ZNF804B: variants seen among roughly 807,000 people sequenced by gnomAD.
ZNF804B encodes zinc finger protein 804B.
Under a neutral mutation model 101.4 loss-of-function variants are expected in ZNF804B, and 80 were observed. The ratio of observed to expected loss-of-function variants is 0.79; its 90% CI spans 0.66 to 0.95. The LOEUF is 0.95. ZNF804B is among the 40% of genes least tolerant of loss of function. The probability of loss-of-function intolerance (pLI) is 0.00; values close to 1 mark genes in which losing one functional copy is unlikely to be tolerated. For synonymous variants in ZNF804B, 622 were observed against 558.8 expected, an observed-to-expected ratio of 1.11 and a Z score of -1.59; for missense variants, 1,673 against 1,561.9, an observed-to-expected ratio of 1.07 and a Z score of -1.20.
chr7:89,290,504 C>T (rs1344925520), intron 2 of ZNF804B, among the ~76,000 whole-genome samples: 1 of 152,100 alleles, frequency 6.6e-6, no homozygotes, highest in African/African-American at 2.4e-5. Context: ...AGGTGGGTCC[C>T]AGGCCTGGCA....
chr7:88,962,699 T>G (rs549413532), intron 1 of ZNF804B, among the ~76,000 whole-genome samples: 2 of 115,188 alleles, frequency 1.7e-5, no homozygotes, highest in South Asian at 6.0e-4. Context: ...ATAAATGTTG[T>G]TAAACTCACA....
intron 1 of ZNF804B, among the ~76,000 whole-genome samples, chr7:89,171,484 G>C (rs762042153): frequency 4.0e-5 from 6 of 150,990 alleles, no homozygotes; most frequent in Non-Finnish European, 8.8e-5. Context: ...ACCCAGGCTG[G>C]AGTGCAGTGG....
intron 2 of ZNF804B, among the ~76,000 whole-genome samples, chr7:89,319,716 G>A (rs1290738171): frequency 6.6e-6 from 1 of 152,182 alleles, no homozygotes; most frequent in Non-Finnish European, 1.5e-5. Context: ...CGCACACAGG[G>A]CCAGCTGAAG....
At chr7:89,193,619 A>G (rs1020703157) in intron 1 of ZNF804B, among the ~76,000 whole-genome samples, 68 of 151,950 alleles carry the variant, frequency 4.5e-4, no homozygotes, top group South Asian at 8.3e-4. Context: ...AGCTTCATCC[A>G]TGTTCCTACA....
At chr7:89,219,296 G>A (rs1487617652) in intron 2 of ZNF804B, among the ~76,000 whole-genome samples, 1 of 152,016 alleles carries the variant, frequency 6.6e-6, no homozygotes, top group Non-Finnish European at 1.5e-5. Context: ...GAAATATTAG[G>A]TCTTTGGGAA....
chr7:88,996,170 A>T (rs1055258449), intron 1 of ZNF804B, among the ~76,000 whole-genome samples: 2 of 152,078 alleles, frequency 1.3e-5, no homozygotes, highest in Non-Finnish European at 2.9e-5. Context: ...CTCTACTAAT[A>T]TAATATTAAA....
chr7:89,067,113 A>G (rs1335692340), intron 1 of ZNF804B, among the ~76,000 whole-genome samples: 1 of 152,276 alleles, frequency 6.6e-6, no homozygotes, highest in Non-Finnish European at 1.5e-5. Context: ...GAAGCTGATA[A>G]GCTACCGATC....
chr7:88,844,035 A>ACTC (rs1213775004), intron 1 of ZNF804B, among the ~76,000 whole-genome samples: 3 of 152,128 alleles, frequency 2.0e-5, no homozygotes, highest in Admixed American at 2.0e-4. Context: ...TCCTAACATG[A>ACTC]CTCCCATAAA....
At chr7:88,911,795 T>A (rs895369584) in intron 1 of ZNF804B, among the ~76,000 whole-genome samples, 24 of 151,834 alleles carry the variant, frequency 1.6e-4, no homozygotes, top group African/African-American at 5.6e-4. Context: ...TGTTTTGCCC[T>A]TTTCTAGTTG....
intron 1 of ZNF804B, among the ~76,000 whole-genome samples, chr7:88,855,283 A>G (rs1009332590): frequency 6.6e-6 from 1 of 151,326 alleles, no homozygotes; most frequent in African/African-American, 2.4e-5. Flanking sequence ...CTGACTTTTT[A>G]ATGATCGCCA....
At chr7:88,993,212 C>A (rs73383159) in intron 1 of ZNF804B, among the ~76,000 whole-genome samples, 1 of 151,612 alleles carries the variant, frequency 6.6e-6, no homozygotes, top group South Asian at 2.1e-4. Context: ...ATTGTTATAT[C>A]CATTAGGAAG....
chr7:89,269,257 C>A lies in ZNF804B; in HGVS notation c.249+50962C>A, dbSNP rs556802983. On this transcript the variant is annotated intron_variant, in intron 2 of 3. Coordinates refer to ENST00000333190, the MANE Select transcript of ZNF804B (RefSeq NM_181646.5). ...GGCTCTGGTGTGTGATGTTCCCCTTCCTGTGTCCATGTGTTCTCATTGTTC... is the reference window on the plus strand; with the variant it reads ...GGCTCTGGTGTGTGATGTTCCCCTTACTGTGTCCATGTGTTCTCATTGTTC... Among the ~76,000 whole-genome samples the A allele has an allele frequency of 7.6e-4, 115 of 152,218 alleles. 1 individual carries two copies. Among genetic ancestry groups the A allele is most frequent in the Admixed American group, 4.9e-3 (75 of 15,272 alleles).
At chr7:89,062,517 TA>T (rs1428159594) in intron 1 of ZNF804B, among the ~76,000 whole-genome samples, 1 of 152,168 alleles carries the variant, frequency 6.6e-6, no homozygotes, top group Non-Finnish European at 1.5e-5. Flanking sequence ...TATATATTGA[TA>T]TTTTTTTCTC....
rs1269522863 is a variant in ZNF804B at position 89,338,222 on chromosome 7, T to C, written c.*1190T>C. 1.3e-5 allele frequency among the ~76,000 whole-genome samples: 2 copies of C among 152,086 alleles called. No individual in the cohort carries two copies. The highest frequency in any genetic ancestry group is 2.9e-5 in the Non-Finnish European group (2 of 67,944). ...AACTTAACAGAAATGGAGGTAATCATTTATCTAATGCTGTCTATACGAAGA... is the reference window on the plus strand; with the variant it reads ...AACTTAACAGAAATGGAGGTAATCACTTATCTAATGCTGTCTATACGAAGA... On this transcript the variant is annotated 3_prime_UTR_variant, in exon 4 of 4. Coordinates refer to ENST00000333190, the MANE Select transcript of ZNF804B (RefSeq NM_181646.5).
intron 1 of ZNF804B, among the ~76,000 whole-genome samples, chr7:89,111,198 G>A (rs1790210700): frequency 6.6e-6 from 1 of 152,146 alleles, no homozygotes; most frequent in African/African-American, 2.4e-5. Context: ...TTTGTGTGAA[G>A]GTTTTTGTAT....
intron 1 of ZNF804B, among the ~76,000 whole-genome samples, chr7:88,920,469 C>G (rs546341471): frequency 6.6e-5 from 10 of 152,040 alleles, no homozygotes; most frequent in African/African-American, 2.4e-4. Context: ...AGACAAATTT[C>G]AAATTTGGAT....
intron 1 of ZNF804B, among the ~76,000 whole-genome samples, chr7:88,988,367 AC>A (rs1793794983): frequency 6.6e-6 from 1 of 152,070 alleles, no homozygotes; most frequent in Non-Finnish European, 1.5e-5. Flanking sequence ...TTATCATCTG[AC>A]TTGTTTGTCA....
intron 1 of ZNF804B, among the ~76,000 whole-genome samples, chr7:89,003,078 C>T (rs185897634): frequency 9.2e-4 from 139 of 151,094 alleles, no homozygotes; most frequent in Non-Finnish European, 8.1e-4. Context: ...GAAAGGGTTA[C>T]GGTAAGCTAA....
chr7:88,805,912 G>C (rs535427380), intron 1 of ZNF804B, among the ~76,000 whole-genome samples: 1 of 151,436 alleles, frequency 6.6e-6, no homozygotes, highest in Non-Finnish European at 1.5e-5. Context: ...AGGCAAAGCT[G>C]TTCTGGGCTC....
Sources: gnomAD v4.1 joint callset for allele counts (sites outside exome capture counted in the v4.1 genomes callset) on GRCh38, gnomAD v4.1.1 for gene constraint, MANE v1.5 for transcripts, NCBI Gene and HGNC (gene_info 2026-07-23, HGNC 2026-07-21) for gene names.